CELF2: variants seen among roughly 807,000 people sequenced by gnomAD.
CELF2 encodes CUG triplet repeat RNA-binding protein 2.
CELF2 carries 8 observed loss-of-function variants against 62.6 expected under a neutral mutation model. The observed-to-expected ratio is 0.13, with a 90% CI of 0.07 to 0.23. The LOEUF (loss-of-function observed/expected upper bound fraction) is 0.23. Ranked by LOEUF, CELF2 falls within the 10% of genes least tolerant of loss-of-function variation. CELF2 has a pLI of 1.00. For missense variants in CELF2, 333 were observed against 671.0 expected, an observed-to-expected ratio of 0.50 and a Z score of 5.56; for synonymous variants, 258 against 250.0, an observed-to-expected ratio of 1.03 and a Z score of -0.30.
rs114864610 is a variant in CELF2 at position 11,328,812 on chromosome 10, C to T, written c.1439-114C>T. ...CAGTTCCGCAGAGCTGTGCTGGGCC[C>T]GTGGGGCTGGCACCTCATGCTGGCT... On this transcript the variant is annotated intron_variant, in intron 12 of 12. Transcript: ENST00000633077. This position sits in a 1 kb window ranked among gnomAD's most constrained non-coding sequence, Gnocchi z 6.4. The T allele has an allele frequency of 2.2e-4, 277 of 1,236,758 alleles. No individual in the cohort carries two copies. In the African/African-American group the frequency reaches 3.7e-3, roughly 16 times the overall value. 76.6% of individuals were successfully genotyped at this position (1,236,758 alleles called of 1,614,324 possible). A position where few individuals can be genotyped will look rare whatever the true frequency, so the allele number is the denominator to read the frequency against.
intron 1 of CELF2, among the ~76,000 whole-genome samples, chr10:10,855,252 T>C (rs1245000938): frequency 2.6e-5 from 4 of 152,176 alleles, no homozygotes; most frequent in African/African-American, 9.7e-5. Flanking sequence ...CTCCCTCCAG[T>C]CTTGCAACTC....
chr10:10,760,049 CA>C, the CELF2 span, among the ~76,000 whole-genome samples: 5 of 152,270 alleles, frequency 3.3e-5, no homozygotes, highest in African/African-American at 9.6e-5. Flanking sequence ...GGATTACAGG[CA>C]TGTGCCATCA....
At chr10:10,602,625 T>TAA in the CELF2 span, among the ~76,000 whole-genome samples, 1 of 152,180 alleles carries the variant, frequency 6.6e-6, no homozygotes, top group East Asian at 1.9e-4. Context: ...TTTTAATTAA[T>TAA]AAATTTATTA....
intron 1 of CELF2, among the ~76,000 whole-genome samples, chr10:11,023,946 A>G (rs944376306): frequency 6.6e-6 from 1 of 152,222 alleles, no homozygotes; most frequent in Admixed American, 6.5e-5. Context: ...ATGAGTACAA[A>G]TTCAGGTTTT....
rs188280213 is a variant in CELF2, at chr10:11,170,841, C to A, written c.271+5159C>A. On this transcript the variant is annotated intron_variant, in intron 2 of 12. Transcript: ENST00000633077. ...TGTGTTAGTTAATCAAAGTTACAAT[C>A]CCAAATCATAGCACTCTGAGAAAGC... Among the ~76,000 whole-genome samples, 403 of 152,212 alleles carry A rather than the reference C, an allele frequency of 2.6e-3. 5 individuals are homozygous for A. The highest frequency in any genetic ancestry group is 9.2e-3 in the African/African-American group (382 of 41,504).
the CELF2 span, among the ~76,000 whole-genome samples, chr10:10,508,563 T>C: frequency 6.6e-6 from 1 of 152,142 alleles, no homozygotes; most frequent in Admixed American, 6.5e-5. Flanking sequence ...CTTTTCCCAA[T>C]AGTCCACAGG....
At chr10:10,853,116 C>T (rs1212453973) in intron 1 of CELF2, among the ~76,000 whole-genome samples, 1 of 152,118 alleles carries the variant, frequency 6.6e-6, no homozygotes, top group Non-Finnish European at 1.5e-5. Flanking sequence ...GTAAGTGGAA[C>T]TACAGGTGCA....
At chr10:11,142,012 TC>T (rs1479313219) in intron 1 of CELF2, among the ~76,000 whole-genome samples, 1 of 152,226 alleles carries the variant, frequency 6.6e-6, no homozygotes, top group Non-Finnish European at 1.5e-5. Context: ...GTCTTTGGAC[TC>T]CTTGGCAAGA....
At chr10:10,551,672 T>G in the CELF2 span, among the ~76,000 whole-genome samples, 1 of 152,204 alleles carries the variant, frequency 6.6e-6, no homozygotes, top group Non-Finnish European at 1.5e-5. Context: ...CACTAAGGCC[T>G]TCATTACAGC....
intron 1 of CELF2, among the ~76,000 whole-genome samples, chr10:11,028,200 G>C (rs1279715968): frequency 6.6e-6 from 1 of 152,084 alleles, no homozygotes; most frequent in Non-Finnish European, 1.5e-5. Flanking sequence ...TGTTCCTTCT[G>C]TGAACTAGTG....
At chr10:10,573,031 T>C in the CELF2 span, among the ~76,000 whole-genome samples, 1 of 152,146 alleles carries the variant, frequency 6.6e-6, no homozygotes, top group South Asian at 2.1e-4. Flanking sequence ...CTGTTGTTTC[T>C]TGACTTTTTA....
At chr10:11,161,132 G>A (rs1329657450) in intron 1 of CELF2, among the ~76,000 whole-genome samples, 1 of 152,252 alleles carries the variant, frequency 6.6e-6, no homozygotes, top group Non-Finnish European at 1.5e-5. Context: ...AAGTAGGTCA[G>A]TGCCTGGGTT....
At chr10:10,826,423 C>G (rs1197488100) in intron 1 of CELF2, among the ~76,000 whole-genome samples, 1 of 152,120 alleles carries the variant, frequency 6.6e-6, no homozygotes, top group African/African-American at 2.4e-5. Flanking sequence ...TACAGGACAT[C>G]CAGTTAAATT....
intron 1 of CELF2, among the ~76,000 whole-genome samples, chr10:11,136,766 A>G (rs2060503357): frequency 6.6e-6 from 1 of 152,154 alleles, no homozygotes; most frequent in Non-Finnish European, 1.5e-5. Flanking sequence ...CAATTTTCCC[A>G]CATCCTGATT....
chr10:10,908,364 C>T (rs1354237101), intron 1 of CELF2, among the ~76,000 whole-genome samples: 9 of 151,616 alleles, frequency 5.9e-5, no homozygotes, highest in African/African-American at 1.5e-4. Context: ...GGACTACAGG[C>T]GCCTGCCACC....
chr10:11,254,406 A>G (rs2078066409), intron 4 of CELF2, among the ~76,000 whole-genome samples: 1 of 152,252 alleles, frequency 6.6e-6, no homozygotes, highest in South Asian at 2.1e-4. Context: ...AACGTGGATG[A>G]TGGAGGTTTC....
At chr10:10,464,693 G>T in the CELF2 span, among the ~76,000 whole-genome samples, 3 of 152,084 alleles carry the variant, frequency 2.0e-5, no homozygotes, top group Non-Finnish European at 4.4e-5. Flanking sequence ...TTTGCAGAAC[G>T]CAATGTAAAA....
rs1271578098 is a variant in CELF2, at chr10:11,211,811, AGAGTGTGTGTGTGT to A, written c.272-5612_272-5599del. Among the ~76,000 whole-genome samples, 11 of 56,044 alleles carry A rather than the reference AGAGTGTGTGTGTGT, an allele frequency of 2.0e-4. No individual in the cohort carries two copies. Among genetic ancestry groups the A allele is most frequent in the African/African-American group, 6.7e-4 (9 of 13,482 alleles). The allele number at this position is 56,044 out of a possible 152,430, so 36.8% of individuals were successfully genotyped here. ...GTGTGTGAGAGAGAGAGAGAGAGAG[AGAGTGTGTGTGTGT>A]GTGTGTGTGTGTGTGTGTGTGTGTG... On this transcript the variant is annotated intron_variant, in intron 2 of 12. Coordinates refer to ENST00000633077, the MANE Select transcript of CELF2 (RefSeq NM_001326342.2). The surrounding 1 kb of genome is among the most constrained non-coding windows in gnomAD (Gnocchi z 4.8).
At chr10:10,920,314 A>G (rs2064771625) in intron 2 of CELF2, among the ~76,000 whole-genome samples, 1 of 152,138 alleles carries the variant, frequency 6.6e-6, no homozygotes, top group East Asian at 1.9e-4. Flanking sequence ...TTCCTTTATT[A>G]TGTTCACGGG....
Sources: allele counts gnomAD v4.1 joint callset (sites outside exome capture counted in the v4.1 genomes callset), GRCh38; gene constraint gnomAD v4.1.1; non-coding constraint Gnocchi (gnomAD v3.1); transcripts MANE v1.5; gene names NCBI Gene and HGNC (gene_info 2026-07-23, HGNC 2026-07-21).